MFSD2B: variants seen among roughly 807,000 people sequenced by gnomAD.
MFSD2B encodes MFSD2 lysolipid transporter B, sphingolipid.
A neutral mutation model predicts 58.4 loss-of-function variants in MFSD2B; 56 were observed. The observed-to-expected ratio is 0.96, with a 90% CI of 0.77 to 1.20. The LOEUF is 1.20. MFSD2B is among the 50% of genes most tolerant of loss of function. The pLI, the probability that MFSD2B is intolerant of heterozygous loss-of-function variation, is 0.00. For synonymous variants in MFSD2B, 287 were observed against 294.4 expected (o/e 0.97, Z 0.26); for missense variants, 645 against 667.6 (o/e 0.97, Z 0.37).
At chr2:24,011,849 G>A (rs1240250004) in intron 1 of MFSD2B, among the ~76,000 whole-genome samples, 1 of 152,148 alleles carries the variant, frequency 6.6e-6, no homozygotes, top group Non-Finnish European at 1.5e-5. Flanking sequence ...AGAGGTGAGA[G>A]GTTAGGGAAT....
rs1196509314 is a variant in MFSD2B at position 24,021,792 on chromosome 2, G to C, written c.772+54G>C. The C allele has an allele frequency of 1.2e-6, 2 of 1,612,880 alleles. No individual in the cohort carries two copies. The highest frequency in any genetic ancestry group is 1.7e-6 in the Non-Finnish European group (2 of 1,179,256). On this transcript the variant is annotated intron_variant, in intron 7 of 13. Coordinates refer to ENST00000338315, the MANE Select transcript of MFSD2B (RefSeq NM_001346880.2). This position sits in a 1 kb window ranked among gnomAD's most constrained non-coding sequence, Gnocchi z 5.7. The stretch of plus-strand genomic sequence containing the variant: ...AAGCTGGGGGCAGGGCTCTGCTTGG[G>C]GGCAGGTTTTGCTTTTGAACTCTGC...
At position 24,020,560 on chromosome 2, in the gene MFSD2B, C is replaced by T. The variant is rs1008962304; in HGVS notation, c.682-1088C>T. 6.6e-6 allele frequency among the ~76,000 whole-genome samples: 1 copy of T among 152,118 alleles called. No homozygotes were observed. The highest frequency in any genetic ancestry group is 2.4e-5 in the African/African-American group (1 of 41,416). ...TCTCTGAATGACAAGTAGCACTGTC[C>T]TGCTTCCTATATATACAGAGGCAGG... On this transcript the variant is annotated intron_variant, in intron 6 of 13. Transcript: ENST00000338315. The surrounding 1 kb of genome is among the most constrained non-coding windows in gnomAD (Gnocchi z 4.1).
rs1279403242 is a variant in MFSD2B at position 24,023,755 on chromosome 2, G to C, written c.1313+29G>C. 1.2e-6 allele frequency: 2 copies of C among 1,609,732 alleles called. No individual in the cohort carries two copies. The highest frequency in any genetic ancestry group is 3.3e-5 in the Admixed American group (2 of 59,748). ...AGTCCCAGGGTTAGGATACAGCAGA[G>C]GCACCAAGGACCAGTGGGCAGGAAG... On this transcript the variant is annotated intron_variant, in intron 12 of 13. Coordinates refer to ENST00000338315, the MANE Select transcript of MFSD2B (RefSeq NM_001346880.2). The surrounding 1 kb of genome is among the most constrained non-coding windows in gnomAD (Gnocchi z 5.0).
rs114977530 is a variant in MFSD2B at position 24,012,466 on chromosome 2, A to T, written c.97-819A>T. Reference sequence around the variant, plus strand: ...GCCATGTTGGGCAGGCTGGTCTTCAACTCCTGGGCTCAAGCAATCCACCTA... The same window carrying T: ...GCCATGTTGGGCAGGCTGGTCTTCATCTCCTGGGCTCAAGCAATCCACCTA... On this transcript the variant is annotated intron_variant, in intron 1 of 13. Coordinates refer to ENST00000338315, the MANE Select transcript of MFSD2B (RefSeq NM_001346880.2). The surrounding 1 kb of genome is among the most constrained non-coding windows in gnomAD (Gnocchi z 4.5). 3.3e-3 allele frequency among the ~76,000 whole-genome samples: 500 copies of T among 151,880 alleles called. 4 individuals carry two copies. Among genetic ancestry groups the T allele is most frequent in the African/African-American group, 0.011 (468 of 41,406 alleles).
At position 24,013,402 on chromosome 2, in the gene MFSD2B, A is replaced by G. The variant is rs755194204; in HGVS notation, c.214A>G (p.Ile72Val). Residue 72 changes from isoleucine to valine, a missense_variant, in exon 2 of 14, where the codon ATA (isoleucine) becomes GTA (valine). Ile to Val is a conservative substitution (Grantham distance 29, BLOSUM62 3). Coordinates refer to ENST00000338315, the MANE Select transcript of MFSD2B (RefSeq NM_001346880.2). The part of the protein sequence containing the change: ...AFYLQLFLLD[I>V]AQIPAAQVSL... ...TTACCTGCAGCTTTTCCTGCTTGATATAGCACAGGTAAGTGTGGGCAGTAG... is the reference window on the plus strand; with the variant it reads ...TTACCTGCAGCTTTTCCTGCTTGATGTAGCACAGGTAAGTGTGGGCAGTAG... 4.4e-6 allele frequency: 7 copies of G among 1,607,116 alleles called. No homozygotes were observed. The highest frequency in any genetic ancestry group is 3.4e-5 in the Admixed American group (2 of 59,352).
At position 24,023,707 on chromosome 2, in the gene MFSD2B, A is replaced by T; in HGVS notation, c.1294A>T (p.Ile432Phe). The change falls in exon 12 of 14, where the codon ATC (isoleucine) becomes TTC (phenylalanine). Residue 432 changes from isoleucine to phenylalanine, a missense_variant. By Grantham distance (21) the Ile-to-Phe change is conservative. Transcript: ENST00000338315. This position sits in a 1 kb window ranked among gnomAD's most constrained non-coding sequence, Gnocchi z 5.0. ...GCTGTCTGGCGCATGTGCCCTGGGC[A>T]TCTCCACCCTCAGTCTGGAGTGAGT... ...TKLSGACALG[I>F]STLSLEFSGY... is the part of the protein sequence containing the mutation. 1 of 1,613,906 alleles carries T rather than the reference A, an allele frequency of 6.2e-7. No individual in the cohort carries two copies. The highest frequency in any genetic ancestry group is 8.5e-7 in the Non-Finnish European group (1 of 1,179,808).
rs182764439 is a variant in MFSD2B at position 24,016,291 on chromosome 2, G to A, written c.347+11G>A. The A allele has an allele frequency of 6.5e-4, 1,054 of 1,611,980 alleles. 4 individuals carry two copies. The highest frequency in any genetic ancestry group is 1.7e-3 in the South Asian group (158 of 90,688). ...ACGGCTCATGCCTTGGTGAGCAACC[G>A]CTCAGTCCTTAGGATCCAGGCACCT... On this transcript the variant is annotated intron_variant, in intron 3 of 13. Transcript: ENST00000338315.
chr2:24,016,715 C>T (rs1709157810), intron 3 of MFSD2B, 130 bp from the exon 4 acceptor site: 3 of 1,137,208 alleles, frequency 2.6e-6, no homozygotes, highest in African/African-American at 1.6e-5. Flanking sequence ...CTGCTCCTGG[C>T]TCCCACCCAG....
chr2:24,014,019 G>GTT (rs1176590284), intron 2 of MFSD2B, among the ~76,000 whole-genome samples: 1 of 120,990 alleles, frequency 8.3e-6, no homozygotes, highest in Non-Finnish European at 1.8e-5. Context: ...TTTGTTGTTT[G>GTT]TTTTTTTTTT....
chr2:24,017,942 G>T lies in MFSD2B; in HGVS notation c.681+354G>T, dbSNP rs1333974216. ...GTCTGCTGTCCTCGCAGAGCCCTGG[G>T]TAAAGCCCTTCCTATGACCCATGCC... On this transcript the variant is annotated intron_variant, in intron 6 of 13. Transcript: ENST00000338315. This position sits in a 1 kb window ranked among gnomAD's most constrained non-coding sequence, Gnocchi z 4.8. Among the ~76,000 whole-genome samples, 1 of 152,110 alleles carries T rather than the reference G, an allele frequency of 6.6e-6. No individual in the cohort carries two copies. The highest frequency in any genetic ancestry group is 1.5e-5 in the Non-Finnish European group (1 of 67,996).
Position 24,017,706 on chromosome 2 carries a change from G to A in MFSD2B, c.681+118G>A. 1 of 1,127,242 alleles carries A rather than the reference G, an allele frequency of 8.9e-7. No individual in the cohort carries two copies. The highest frequency in any genetic ancestry group is 1.6e-5 in the South Asian group (1 of 61,326). 69.8% of individuals were successfully genotyped at this position (1,127,242 alleles called of 1,614,324 possible). On this transcript the variant is annotated intron_variant, in intron 6 of 13. Coordinates refer to ENST00000338315, the MANE Select transcript of MFSD2B (RefSeq NM_001346880.2). This position sits in a 1 kb window ranked among gnomAD's most constrained non-coding sequence, Gnocchi z 4.8. ...TTTGTTGTCTTTTAGGGGGCTCACT[G>A]TGCCCCCTCATTCCTTCCCTGCTCC... is the stretch of plus-strand genomic sequence containing the variant.
At position 24,017,505 on chromosome 2, in the gene MFSD2B, G is replaced by A. The variant is rs574899634; in HGVS notation, c.598G>A (p.Gly200Arg). 1.7e-5 allele frequency: 27 copies of A among 1,594,084 alleles called. No homozygotes were observed. The East Asian group carries it at 2.3e-4, about 13-fold the overall frequency. Residue 200 changes from glycine to arginine, a missense_variant, in exon 6 of 14, where the codon GGG becomes AGG. Transcript: ENST00000338315. This position sits in a 1 kb window ranked among gnomAD's most constrained non-coding sequence, Gnocchi z 4.8. ...AGTLMGATVHGLIVSGAHRPH... is the reference protein window; with the variant it reads ...AGTLMGATVHRLIVSGAHRPH... Reference sequence around the variant, plus strand: ...AACACTGATGGGGGCCACTGTCCACGGGCTCATCGTGTCCGGCGCCCACAG... The same window carrying A: ...AACACTGATGGGGGCCACTGTCCACAGGCTCATCGTGTCCGGCGCCCACAG...
chr2:24,021,973 ACCTCTGGCCAGCTG>A lies in MFSD2B; in HGVS notation c.894+6_894+19del. On this transcript the variant is annotated splice_donor_5th_base_variant and intron_variant, in intron 8 of 13. Coordinates refer to ENST00000338315, the MANE Select transcript of MFSD2B (RefSeq NM_001346880.2). The surrounding 1 kb of genome is among the most constrained non-coding windows in gnomAD (Gnocchi z 5.7). The stretch of plus-strand genomic sequence containing the variant: ...TGTTCATCTCTGCTGCTGTTCAGGT[ACCTCTGGCCAGCTG>A]CCCCCGACAGGCTTGGTGCTGGCCA... 1 of 1,613,850 alleles carries A rather than the reference ACCTCTGGCCAGCTG, an allele frequency of 6.2e-7. No homozygotes were observed.
At chr2:24,011,824 G>A (rs1209827954) in intron 1 of MFSD2B, among the ~76,000 whole-genome samples, 1 of 152,158 alleles carries the variant, frequency 6.6e-6, no homozygotes, top group Non-Finnish European at 1.5e-5. Context: ...ATAGCAGGCG[G>A]TAAGTACAAC....
Position 24,024,264 on chromosome 2 carries a change from C to T in MFSD2B, c.1483C>T (p.Leu495Phe), listed in dbSNP as rs1391528058. 6.2e-7 allele frequency: 1 copy of T among 1,603,860 alleles called. No homozygotes were observed. Among genetic ancestry groups the T allele is most frequent in the African/African-American group, 1.3e-5 (1 of 74,710 alleles). Residue 495 changes from leucine (L) to phenylalanine (F), a missense_variant, in exon 13 of 14, where the codon CTT becomes TTT. Coordinates refer to ENST00000338315, the MANE Select transcript of MFSD2B (RefSeq NM_001346880.2). The surrounding 1 kb of genome is among the most constrained non-coding windows in gnomAD (Gnocchi z 4.3). Reference sequence around the variant, plus strand: ...TCGGGACGCCTCCAGCCGGCTGAGCCTTCGGAGGTAAGCCCCGCACGCCCC... The same window carrying T: ...TCGGGACGCCTCCAGCCGGCTGAGCTTTCGGAGGTAAGCCCCGCACGCCCC... ...PSRDASSRLS[L>F]RRRTSYSLA
rs1459327309 is a variant in MFSD2B, at chr2:24,026,284, C to T, written c.*828C>T. ...TAGAAATCCTAAATGGTCCCTGTGACATAAGAAATACACATTTGGTCTCTG... is the reference window on the plus strand; with the variant it reads ...TAGAAATCCTAAATGGTCCCTGTGATATAAGAAATACACATTTGGTCTCTG... On this transcript the variant is annotated 3_prime_UTR_variant, in exon 14 of 14. Coordinates refer to ENST00000338315, the MANE Select transcript of MFSD2B (RefSeq NM_001346880.2). 6.6e-6 allele frequency: 1 copy of T among 152,204 alleles called. No individual in the cohort carries two copies. Among genetic ancestry groups the T allele is most frequent in the African/African-American group, 2.4e-5 (1 of 41,432 alleles). 9.4% of individuals were successfully genotyped at this position (152,204 alleles called of 1,614,324 possible).
intron 1 of MFSD2B, 112 bp downstream of exon 1, chr2:24,010,304 C>T (rs945197586): frequency 2.3e-5 from 20 of 857,648 alleles, no homozygotes; most frequent in Admixed American, 2.2e-4. Context: ...CGGCCCAAAC[C>T]TGCCAGCTCA....
rs763732773 is a variant in MFSD2B at position 24,024,281 on chromosome 2, G to A, written c.1490+10G>A. Reference sequence around the variant, plus strand: ...GGCTGAGCCTTCGGAGGTAAGCCCCGCACGCCCCCTGCAGCCAGCGAGGCA... The same window carrying A: ...GGCTGAGCCTTCGGAGGTAAGCCCCACACGCCCCCTGCAGCCAGCGAGGCA... On this transcript the variant is annotated intron_variant, in intron 13 of 13. Transcript: ENST00000338315. The surrounding 1 kb of genome is among the most constrained non-coding windows in gnomAD (Gnocchi z 4.3). The A allele has an allele frequency of 6.4e-5, 102 of 1,591,644 alleles. No homozygotes were observed. Among genetic ancestry groups the A allele is most frequent in the Admixed American group, 1.1e-4 (6 of 56,476 alleles).
intron 1 of MFSD2B, among the ~76,000 whole-genome samples, chr2:24,010,893 C>A (rs968576451): frequency 7.1e-6 from 1 of 141,084 alleles, no homozygotes; most frequent in Non-Finnish European, 1.6e-5. Flanking sequence ...CTACGAGGCA[C>A]CTGGGAGCAC....
Sources: allele counts gnomAD v4.1 joint callset (sites outside exome capture counted in the v4.1 genomes callset), GRCh38; gene constraint gnomAD v4.1.1; non-coding constraint Gnocchi (gnomAD v3.1); transcripts MANE v1.5; gene names NCBI Gene and HGNC (gene_info 2026-07-23, HGNC 2026-07-21).